Variants in KPNA5 observed in about 807,000 individuals in gnomAD.
The protein encoded by KPNA5 is karyopherin subunit alpha 5, also known as importin subunit alpha-6.
KPNA5 carries 46 observed loss-of-function variants against 71.3 expected under a neutral mutation model. The observed-to-expected ratio is 0.65, with a 90% confidence interval of 0.51 to 0.83. The LOEUF is 0.83. Among genes scored for constraint, KPNA5 ranks in the 40% least tolerant of loss-of-function variants. The probability of loss-of-function intolerance (pLI) is 0.00; values close to 1 mark genes in which losing one functional copy is unlikely to be tolerated. For missense variants in KPNA5, 547 were observed against 628.3 expected (o/e 0.87, Z 1.38); for synonymous variants, 207 against 201.4 (o/e 1.03, Z -0.24).
intron 12 of KPNA5, 78 bp downstream of exon 12, chr6:116,726,700 A>G: frequency 8.4e-7 from 1 of 1,185,388 alleles, no homozygotes; most frequent in East Asian, 2.7e-5. Flanking sequence ...TAATTTACTG[A>G]TGGAACTAAA....
rs1482596818 is a variant in KPNA5 at position 116,737,504 on chromosome 6, C to T, written c.*5181C>T. On this transcript the variant is annotated 3_prime_UTR_variant, in exon 14 of 14. Transcript: ENST00000368564. ...CCTCCCTGGCTTCCTAACTCTTTCT[C>T]CCCATCTCAGAGACTTTGTGGCTAT... 2.6e-5 allele frequency: 4 copies of T among 152,102 alleles called. No individual in the cohort carries two copies. Among genetic ancestry groups the T allele is most frequent in the Non-Finnish European group, 5.9e-5 (4 of 68,034 alleles). 9.4% of individuals were successfully genotyped at this position (152,102 alleles called of 1,614,324 possible).
intron 1 of KPNA5, among the ~76,000 whole-genome samples, chr6:116,687,579 G>C (rs1194139439): frequency 2.0e-5 from 3 of 152,064 alleles, no homozygotes; most frequent in Admixed American, 2.0e-4. Context: ...CATTATTCTT[G>C]TCTCAGAAAC....
chr6:116,701,623 T>A (rs1195150126), intron 5 of KPNA5, among the ~76,000 whole-genome samples: 4 of 152,208 alleles, frequency 2.6e-5, no homozygotes, highest in Admixed American at 6.5e-5. Context: ...CTTATGATTC[T>A]AAGTGTCCTA....
chr6:116,732,100 A>T (rs781631450), intron 13 of KPNA5, 36 bp from the exon 14 acceptor site: 2 of 201,818 alleles, frequency 9.9e-6, no homozygotes, highest in African/African-American at 3.2e-5. Context: ...ATATATATAT[A>T]TATATATATA....
intron 7 of KPNA5, among the ~76,000 whole-genome samples, chr6:116,710,373 A>G (rs1256157616): frequency 2.0e-5 from 3 of 152,060 alleles, no homozygotes; most frequent in Admixed American, 6.6e-5. Flanking sequence ...AGAATTGATG[A>G]GGAAGTGTTC....
rs1299251783 is a variant in KPNA5, at chr6:116,737,183, GAAC to G, written c.*4864_*4866del. On this transcript the variant is annotated 3_prime_UTR_variant, in exon 14 of 14. Transcript: ENST00000368564. Reference sequence around the variant, plus strand: ...TTTTAAACTTTGTAAGGCAGGCACAGAACAACGTTTATTTTACTGCTGAGTCAG... The same window carrying G: ...TTTTAAACTTTGTAAGGCAGGCACAGAACGTTTATTTTACTGCTGAGTCAG... 1 of 151,948 alleles carries G rather than the reference GAAC, an allele frequency of 6.6e-6. No homozygotes were observed. The highest frequency in any genetic ancestry group is 1.5e-5 in the Non-Finnish European group (1 of 67,932). The allele number at this position is 151,948 out of a possible 1,614,324, so 9.4% of individuals were successfully genotyped here. A position where few individuals can be genotyped will look rare whatever the true frequency, so the allele number is the denominator to read the frequency against.
chr6:116,690,524 T>C (rs1163986575), intron 2 of KPNA5, among the ~76,000 whole-genome samples: 1 of 151,594 alleles, frequency 6.6e-6, no homozygotes, highest in Non-Finnish European at 1.5e-5. Context: ...GCGCCTGTTG[T>C]CCCAGCTACT....
Position 116,724,265 on chromosome 6 carries a change from A to G in KPNA5, c.921-32A>G, listed in dbSNP as rs376502815. On this transcript the variant is annotated intron_variant, in intron 9 of 13. Transcript: ENST00000368564. ...TCTGTGTAAATTTTAAATTCTTACT[A>G]GTATTTAGGTTCATGTTTTTATTAT... The G allele has an allele frequency of 5.7e-6, 8 of 1,402,248 alleles. No homozygotes were observed. The African/African-American group carries it at 9.9e-5, about 17-fold the overall frequency. The allele number at this position is 1,402,248 out of a possible 1,614,324, so 86.9% of individuals were successfully genotyped here.
chr6:116,681,299 G>T lies in KPNA5; in HGVS notation c.-36G>T, dbSNP rs1334270577. 5 of 1,610,580 alleles carry T rather than the reference G, an allele frequency of 3.1e-6. No homozygotes were observed. Among genetic ancestry groups the T allele is most frequent in the South Asian group, 1.1e-5 (1 of 90,932 alleles). The stretch of plus-strand genomic sequence containing the variant: ...ACCCGCCACACACGTCGCCGCTGGG[G>T]ACTGGGAAATCAGGGCATCGGAGAG... On this transcript the variant is annotated 5_prime_UTR_variant, in exon 1 of 14. Transcript: ENST00000368564.
intron 1 of KPNA5, among the ~76,000 whole-genome samples, chr6:116,687,444 A>G (rs1014772604): frequency 2.0e-5 from 3 of 152,218 alleles, no homozygotes; most frequent in Admixed American, 2.0e-4. Context: ...AGGGGGTGAC[A>G]ACTGTTCTGT....
At chr6:116,684,384 TCTCA>T (rs1185585251) in intron 1 of KPNA5, among the ~76,000 whole-genome samples, 4 of 152,160 alleles carry the variant, frequency 2.6e-5, no homozygotes, top group Admixed American at 2.0e-4. Context: ...GTGAGATTTG[TCTCA>T]CTATCTTTAC....
chr6:116,731,261 T>C (rs1018221338), intron 13 of KPNA5, among the ~76,000 whole-genome samples: 4 of 152,170 alleles, frequency 2.6e-5, no homozygotes, highest in African/African-American at 9.6e-5. Context: ...TTAAAGCCCA[T>C]GATATCACTT....
In KPNA5 at chr6:116,736,815, CTT is replaced by C. The variant is rs373298980; in HGVS notation, c.*4493_*4494del. 28 of 152,016 alleles carry C rather than the reference CTT, an allele frequency of 1.8e-4. No individual in the cohort carries two copies. Among genetic ancestry groups the C allele is most frequent in the African/African-American group, 6.7e-4 (28 of 41,522 alleles). 9.4% of individuals were successfully genotyped at this position (152,016 alleles called of 1,614,324 possible). A position where few individuals can be genotyped will look rare whatever the true frequency, so the allele number is the denominator to read the frequency against. Reference sequence around the variant, plus strand: ...TCGTCTTCAAGTTCACTAATCTTGTCTTCTGCTGTGTCTAATCTCTTAATTCC... The same window carrying C: ...TCGTCTTCAAGTTCACTAATCTTGTCCTGCTGTGTCTAATCTCTTAATTCC... On this transcript the variant is annotated 3_prime_UTR_variant, in exon 14 of 14. Coordinates refer to ENST00000368564, the MANE Select transcript of KPNA5 (RefSeq NM_001366306.2).
At chr6:116,727,465 A>C (rs369546396) in intron 12 of KPNA5, among the ~76,000 whole-genome samples, 1 of 152,088 alleles carries the variant, frequency 6.6e-6, no homozygotes, top group Non-Finnish European at 1.5e-5. Flanking sequence ...TAGCAATTAC[A>C]TTGTTTTAGG....
rs1039126768 is a variant in KPNA5 at position 116,739,897 on chromosome 6, G to A, written c.*7574G>A. The A allele has an allele frequency of 2.6e-5, 4 of 151,834 alleles. No homozygotes were observed. Among genetic ancestry groups the A allele is most frequent in the African/African-American group, 9.7e-5 (4 of 41,242 alleles). 9.4% of individuals were successfully genotyped at this position (151,834 alleles called of 1,614,324 possible). A position where few individuals can be genotyped will look rare whatever the true frequency, so the allele number is the denominator to read the frequency against. On this transcript the variant is annotated 3_prime_UTR_variant, in exon 14 of 14. Transcript: ENST00000368564. Reference sequence around the variant, plus strand: ...TAGACCAAAAACCATAAAAACCCTAGAAGAAAACCTAGGCATTACCATTCA... The same window carrying A: ...TAGACCAAAAACCATAAAAACCCTAAAAGAAAACCTAGGCATTACCATTCA...
At chr6:116,727,090 T>C (rs1317271287) in intron 12 of KPNA5, among the ~76,000 whole-genome samples, 1 of 152,064 alleles carries the variant, frequency 6.6e-6, no homozygotes, top group East Asian at 1.9e-4. Context: ...AGTTACCTTT[T>C]TTTTATATTA....
intron 1 of KPNA5, among the ~76,000 whole-genome samples, chr6:116,682,210 T>A (rs1487318065): frequency 6.6e-6 from 1 of 152,096 alleles, no homozygotes; most frequent in Non-Finnish European, 1.5e-5. Flanking sequence ...GCGCCTGTAG[T>A]CCCAGCGACT....
Position 116,733,549 on chromosome 6 carries a change from C to G in KPNA5, c.*1226C>G, listed in dbSNP as rs1190499299. ...TATGATTTAACAGCAAAAACCTCTT[C>G]AAACGGAAAATTTGAAAGAAAGGTT... On this transcript the variant is annotated 3_prime_UTR_variant, in exon 14 of 14. Transcript: ENST00000368564. The G allele has an allele frequency of 6.6e-6, 1 of 151,232 alleles. No homozygotes were observed. Among genetic ancestry groups the G allele is most frequent in the Non-Finnish European group, 1.5e-5 (1 of 67,596 alleles). 9.4% of individuals were successfully genotyped at this position (151,232 alleles called of 1,614,324 possible).
In KPNA5 at chr6:116,692,313, T is replaced by C; in HGVS notation, c.261T>C (p.Asp87=). The change falls in exon 4 of 14, where the codon GAT becomes GAC. Residue 87 remains aspartate, a synonymous_variant. Coordinates refer to ENST00000368564, the MANE Select transcript of KPNA5 (RefSeq NM_001366306.2). The part of the protein sequence containing the change: ...PIPEEEVVTT[D]MVQMIFSNNA... Reference sequence around the variant, plus strand: ...TTTAGGAAGAAGTTGTTACTACAGATATGGTTCAGATGATTTTTTCTAATA... The same window carrying C: ...TTTAGGAAGAAGTTGTTACTACAGACATGGTTCAGATGATTTTTTCTAATA... 6.2e-7 allele frequency: 1 copy of C among 1,600,184 alleles called. No individual in the cohort carries two copies. The highest frequency in any genetic ancestry group is 8.5e-7 in the Non-Finnish European group (1 of 1,173,628).
Sources: gnomAD v4.1 joint callset for allele counts (sites outside exome capture counted in the v4.1 genomes callset) on GRCh38, gnomAD v4.1.1 for gene constraint, MANE v1.5 for transcripts, NCBI Gene and HGNC (gene_info 2026-07-23, HGNC 2026-07-21) for gene names.